Variants in SHROOM3 observed in about 807,000 individuals in gnomAD.
SHROOM3 encodes shroom family member 3, also known as protein Shroom3.
Under a neutral mutation model 138.6 loss-of-function variants are expected in SHROOM3, and 47 were observed. The ratio of observed to expected loss-of-function variants is 0.34; its 90% CI spans 0.27 to 0.43. SHROOM3 has a LOEUF of 0.43. SHROOM3 is among the 20% of genes least tolerant of loss of function. The probability of loss-of-function intolerance (pLI) is 1.00; values close to 1 mark genes in which losing one functional copy is unlikely to be tolerated. For synonymous variants in SHROOM3, 1,062 were observed against 1,063.3 expected, an observed-to-expected ratio of 1.00 and a Z score of 0.02; for missense variants, 2,491 against 2,596.5, an observed-to-expected ratio of 0.96 and a Z score of 0.88.
chr4:76,462,647 T>A (rs1731163348), intron 1 of SHROOM3, among the ~76,000 whole-genome samples: 1 of 151,982 alleles, frequency 6.6e-6, no homozygotes, highest in South Asian at 2.1e-4. Flanking sequence ...TGTTTGAAAG[T>A]GTAGCACTTC....
intron 4 of SHROOM3, among the ~76,000 whole-genome samples, chr4:76,737,862 T>TA (rs1405484352): frequency 6.6e-6 from 1 of 152,198 alleles, no homozygotes; most frequent in Non-Finnish European, 1.5e-5. Context: ...AGTGATTTTT[T>TA]AAAAACACAT....
chr4:76,475,098 G>T (rs543476119), intron 1 of SHROOM3, among the ~76,000 whole-genome samples: 1 of 152,054 alleles, frequency 6.6e-6, no homozygotes, highest in Non-Finnish European at 1.5e-5. Context: ...GAATACATAT[G>T]ATTTTAGAAA....
intron 2 of SHROOM3, among the ~76,000 whole-genome samples, chr4:76,682,001 A>G (rs1719214341): frequency 2.0e-5 from 3 of 152,026 alleles, no homozygotes; most frequent in Admixed American, 2.0e-4. Context: ...ATCTTGCCCT[A>G]CATAACACTC....
Position 76,664,044 on chromosome 4 carries a change from A to C in SHROOM3, c.324-46112A>C, listed in dbSNP as rs1718615902. Among the ~76,000 whole-genome samples the C allele has an allele frequency of 6.6e-6, 1 of 152,190 alleles. No individual in the cohort carries two copies. The highest frequency in any genetic ancestry group is 6.5e-5 in the Admixed American group (1 of 15,276). ...GTATGTTTGGCTCTCATTTCCTGGC[A>C]GTTGAAAATAATAAACCAGATTTTC... is the stretch of plus-strand genomic sequence containing the variant. On this transcript the variant is annotated intron_variant, in intron 2 of 10. Transcript: ENST00000296043. This position sits in a 1 kb window ranked among gnomAD's most constrained non-coding sequence, Gnocchi z 4.2.
At chr4:76,562,869 G>A (rs1406563646) in intron 2 of SHROOM3, among the ~76,000 whole-genome samples, 1 of 152,124 alleles carries the variant, frequency 6.6e-6, no homozygotes. Flanking sequence ...TGACAGGAAG[G>A]GTTGAAACTT....
intron 1 of SHROOM3, among the ~76,000 whole-genome samples, chr4:76,462,447 C>T (rs1364159067): frequency 6.6e-6 from 1 of 151,860 alleles, no homozygotes; most frequent in African/African-American, 2.4e-5. Context: ...AGGGTAGATC[C>T]TATAAGATAG....
chr4:76,594,642 G>A (rs1307954912), intron 2 of SHROOM3, among the ~76,000 whole-genome samples: 1 of 152,186 alleles, frequency 6.6e-6, no homozygotes, highest in Non-Finnish European at 1.5e-5. Context: ...AAATCACATT[G>A]CATTGGAAGT....
chr4:76,757,219 A>T, intron 8 of SHROOM3: 1 of 390,860 alleles, frequency 2.6e-6, no homozygotes, highest in Non-Finnish European at 4.7e-6. Flanking sequence ...TATCAACATT[A>T]TTTAATTTTC....
At chr4:76,630,295 T>C (rs906865970) in intron 2 of SHROOM3, among the ~76,000 whole-genome samples, 3 of 152,308 alleles carry the variant, frequency 2.0e-5, no homozygotes, top group East Asian at 3.9e-4. Context: ...ACCTTTCAGC[T>C]CTTTCCTCTT....
At chr4:76,445,634 G>T (rs1290155312) in intron 1 of SHROOM3, among the ~76,000 whole-genome samples, 1 of 152,210 alleles carries the variant, frequency 6.6e-6, no homozygotes, top group Non-Finnish European at 1.5e-5. Flanking sequence ...ATGAGAAATG[G>T]AAAGGTAGGC....
In SHROOM3 at chr4:76,778,885, G is replaced by A. The variant is rs182808570; in HGVS notation, c.5699G>A (p.Arg1900His). Reference protein sequence around the residue: ...DARELKENLDRRERVVLGILA... With the variant: ...DARELKENLDHRERVVLGILA... ...CGGGAGCTGAAGGAGAACCTGGATC[G>A]CAGGGAGCGAGTAGTGCTGGGCATC... is the stretch of plus-strand genomic sequence containing the variant. Residue 1900 changes from arginine (R) to histidine (H), a missense_variant, in exon 11 of 11, where the codon CGC (arginine) becomes CAC (histidine). Transcript: ENST00000296043. 27 of 1,613,256 alleles carry A rather than the reference G, an allele frequency of 1.7e-5. No homozygotes were observed. In the East Asian group the frequency reaches 1.8e-4, roughly 11 times the overall value.
At chr4:76,439,142 C>G (rs1353727335) in intron 1 of SHROOM3, among the ~76,000 whole-genome samples, 1 of 151,960 alleles carries the variant, frequency 6.6e-6, no homozygotes, top group Non-Finnish European at 1.5e-5. Flanking sequence ...GTTTTCTTGC[C>G]CTGTCTAGCT....
At chr4:76,625,293 AT>A (rs918305410) in intron 2 of SHROOM3, among the ~76,000 whole-genome samples, 1 of 152,152 alleles carries the variant, frequency 6.6e-6, no homozygotes, top group Non-Finnish European at 1.5e-5. Context: ...CTGTTTTCAA[AT>A]TTTTTACCTA....
intron 3 of SHROOM3, among the ~76,000 whole-genome samples, chr4:76,714,408 C>T (rs1720313057): frequency 6.6e-6 from 1 of 152,148 alleles, no homozygotes; most frequent in African/African-American, 2.4e-5. Flanking sequence ...GATGTGTTCT[C>T]ATGGTTACAT....
chr4:76,481,368 A>G (rs1452082429), intron 1 of SHROOM3, among the ~76,000 whole-genome samples: 2 of 152,228 alleles, frequency 1.3e-5, no homozygotes, highest in Non-Finnish European at 2.9e-5. Flanking sequence ...CAAATAAACT[A>G]GAAAATCTAA....
chr4:76,524,880 G>A lies in SHROOM3; in HGVS notation c.169-30729G>A, dbSNP rs142915196. On this transcript the variant is annotated intron_variant, in intron 1 of 10. Coordinates refer to ENST00000296043, the MANE Select transcript of SHROOM3 (RefSeq NM_020859.4). ...AGGCTCAAAAACAGAGCAGGCCAAA[G>A]GTAGGCATGCCAGGACCTAGGGCTG... Among the ~76,000 whole-genome samples the A allele has an allele frequency of 2.0e-5, 3 of 152,096 alleles. No individual in the cohort carries two copies. The South Asian group carries it at 6.2e-4, about 32-fold the overall frequency.
intron 3 of SHROOM3, among the ~76,000 whole-genome samples, chr4:76,724,684 A>G (rs1720648980): frequency 6.6e-6 from 1 of 152,216 alleles, no homozygotes; most frequent in Non-Finnish European, 1.5e-5. Context: ...CACATACTGT[A>G]GCAGACTGTA....
At position 76,580,614 on chromosome 4, in the gene SHROOM3, C is replaced by CG. The variant is rs528102150; in HGVS notation, c.323+24855dup. 1.3e-3 allele frequency among the ~76,000 whole-genome samples: 204 copies of CG among 152,070 alleles called. 1 individual carries two copies. Among genetic ancestry groups the CG allele is most frequent in the African/African-American group, 4.7e-3 (197 of 41,492 alleles). On this transcript the variant is annotated intron_variant, in intron 2 of 10. Transcript: ENST00000296043. ...GCTAATTTTGTATTTTTAGTAGAGA[C>CG]GGGGTTTCTCCATGTTGGTCAGGCT...
At chr4:76,666,762 T>C (rs1718704838) in intron 2 of SHROOM3, among the ~76,000 whole-genome samples, 1 of 152,164 alleles carries the variant, frequency 6.6e-6, no homozygotes, top group Non-Finnish European at 1.5e-5. Context: ...GACTCAGAGC[T>C]ATCTGCATAC....
Sources: allele counts gnomAD v4.1 joint callset (sites outside exome capture counted in the v4.1 genomes callset), GRCh38; gene constraint gnomAD v4.1.1; non-coding constraint Gnocchi (gnomAD v3.1); transcripts MANE v1.5; gene names NCBI Gene and HGNC (gene_info 2026-07-23, HGNC 2026-07-21).